The following CTTNBP2NL variants were observed in gnomAD, a reference collection of about 807,000 sequenced individuals.
CTTNBP2NL encodes the protein CTTNBP2 N-terminal like.
In CTTNBP2NL, 16 loss-of-function variants were observed where a neutral mutation model predicts 32.5. The ratio of observed to expected loss-of-function variants is 0.49; its 90% CI spans 0.33 to 0.75. The LOEUF (loss-of-function observed/expected upper bound fraction) is 0.75. Among genes scored for constraint, CTTNBP2NL ranks in the 30% least tolerant of loss-of-function variants. The pLI, the probability that CTTNBP2NL is intolerant of heterozygous loss-of-function variation, is 0.02. For synonymous variants in CTTNBP2NL, 298 were observed against 289.4 expected (o/e 1.03, Z -0.30); for missense variants, 645 against 756.0 (o/e 0.85, Z 1.72).
intron 3 of CTTNBP2NL, among the ~76,000 whole-genome samples, chr1:112,441,501 A>G (rs1402089860): frequency 1.3e-5 from 2 of 152,220 alleles, no homozygotes; most frequent in Non-Finnish European, 2.9e-5. Context: ...TAAAGCTGCT[A>G]TAGCAGCTTT....
intron 4 of CTTNBP2NL, among the ~76,000 whole-genome samples, chr1:112,452,272 G>A (rs554545773): frequency 6.7e-6 from 1 of 150,076 alleles, no homozygotes; most frequent in Admixed American, 6.6e-5. Context: ...TTGGGCTCCA[G>A]TGATCCACCT....
At position 112,405,916 on chromosome 1, in the gene CTTNBP2NL, T is replaced by C. The variant is rs181320232; in HGVS notation, c.-133-6278T>C. ...AAGACATGTATGCGGCCGGGCGCAG[T>C]GGCTCACGCCTGTAATCCCAGCACT... On this transcript the variant is annotated intron_variant, in intron 1 of 5. Coordinates refer to ENST00000271277, the MANE Select transcript of CTTNBP2NL (RefSeq NM_018704.3). Among the ~76,000 whole-genome samples the C allele has an allele frequency of 9.7e-3, 1,472 of 152,270 alleles. 36 individuals are homozygous for C. The highest frequency in any genetic ancestry group is 0.033 in the African/African-American group (1,389 of 41,554).
chr1:112,458,324 GGTCA>G lies in CTTNBP2NL; in HGVS notation c.*918_*921del, dbSNP rs10605173. The G allele has an allele frequency of 0.85, 129,469 of 152,110 alleles. 55,310 individuals carry two copies. The highest frequency in any genetic ancestry group is 1 in the East Asian group (5,162 of 5,170). The allele number at this position is 152,110 out of a possible 1,614,324, so 9.4% of individuals were successfully genotyped here. A position where few individuals can be genotyped will look rare whatever the true frequency, so the allele number is the denominator to read the frequency against. On this transcript the variant is annotated 3_prime_UTR_variant, in exon 6 of 6. Transcript: ENST00000271277. ...TTGAAATTCACTCTGTAATATTATA[GGTCA>G]GTCAGAATTATACAAGTTTTACCAA... is the stretch of plus-strand genomic sequence containing the variant.
At chr1:112,445,777 C>A (rs1422087488) in intron 3 of CTTNBP2NL, among the ~76,000 whole-genome samples, 1 of 152,180 alleles carries the variant, frequency 6.6e-6, no homozygotes, top group Non-Finnish European at 1.5e-5. Flanking sequence ...ACTCATAACT[C>A]TGTGGTGCTT....
intron 1 of CTTNBP2NL, among the ~76,000 whole-genome samples, chr1:112,404,984 AGGTTGCGGTGAGGCC>A (rs1239465797): frequency 6.1e-3 from 7 of 1,152 alleles, no homozygotes; most frequent in Non-Finnish European, 0.029. Context: ...CAGGAGGCGG[AGGTTGCGGTGAGGCC>A]GAGGTTGCGG....
chr1:112,416,412 T>G (rs1304742440), intron 3 of CTTNBP2NL, 148 bp downstream of exon 3: 18 of 557,966 alleles, frequency 3.2e-5, no homozygotes, highest in Non-Finnish European at 3.7e-5. Flanking sequence ...CCACCTACAT[T>G]GTGTGTTATT....
In CTTNBP2NL at chr1:112,421,884, T is replaced by C. The variant is rs1405977154; in HGVS notation, c.99+5620T>C. ...ATGAAAACAGGAAATACAGGGATAA[T>C]GCAGAAGCCTTCGTAGCAGATTTTT... is the stretch of plus-strand genomic sequence containing the variant. On this transcript the variant is annotated intron_variant, in intron 3 of 5. Coordinates refer to ENST00000271277, the MANE Select transcript of CTTNBP2NL (RefSeq NM_018704.3). Among the ~76,000 whole-genome samples the C allele has an allele frequency of 2.0e-5, 3 of 152,316 alleles. No individual in the cohort carries two copies. The East Asian group carries it at 5.8e-4, about 29-fold the overall frequency.
chr1:112,417,585 A>G (rs1384931901), intron 3 of CTTNBP2NL, among the ~76,000 whole-genome samples: 2 of 152,178 alleles, frequency 1.3e-5, no homozygotes, highest in Admixed American at 6.5e-5. Context: ...GATATAAGAT[A>G]CCATTCAGAA....
intron 2 of CTTNBP2NL, among the ~76,000 whole-genome samples, chr1:112,415,305 T>C (rs527493483): frequency 7.2e-5 from 11 of 152,330 alleles, no homozygotes; most frequent in African/African-American, 2.6e-4. Flanking sequence ...AATATTGTGT[T>C]AGCTATTGTC....
upstream of CTTNBP2NL, among the ~76,000 whole-genome samples, chr1:112,392,641 A>G (rs1394351374): frequency 1.3e-5 from 2 of 152,162 alleles, no homozygotes; most frequent in Non-Finnish European, 2.9e-5. Flanking sequence ...TCTAAGTACA[A>G]CATGAGTGGG....
At chr1:112,450,443 CA>C (rs1650181750) in intron 4 of CTTNBP2NL, among the ~76,000 whole-genome samples, 2 of 152,180 alleles carry the variant, frequency 1.3e-5, no homozygotes, top group Admixed American at 1.3e-4. Context: ...ATTTACACTC[CA>C]ATTTAAAAGG....
At chr1:112,412,530 A>G (rs1167001979) in intron 2 of CTTNBP2NL, among the ~76,000 whole-genome samples, 1 of 151,014 alleles carries the variant, frequency 6.6e-6, no homozygotes, top group Non-Finnish European at 1.5e-5. Flanking sequence ...TGGTTCTTAC[A>G]TTACACAGCA....
At chr1:112,431,664 C>T (rs1649570740) in intron 3 of CTTNBP2NL, among the ~76,000 whole-genome samples, 1 of 152,088 alleles carries the variant, frequency 6.6e-6, no homozygotes, top group Non-Finnish European at 1.5e-5. Context: ...CCATCAATGG[C>T]TGCATAAACT....
intron 4 of CTTNBP2NL, among the ~76,000 whole-genome samples, chr1:112,452,281 C>G (rs1355320082): frequency 4.6e-5 from 7 of 151,350 alleles, no homozygotes; most frequent in Non-Finnish European, 8.8e-5. Context: ...AGTGATCCAC[C>G]TCAGCCTCCC....
upstream of CTTNBP2NL, among the ~76,000 whole-genome samples, chr1:112,395,491 A>G (rs1194437640): frequency 6.6e-6 from 1 of 152,198 alleles, no homozygotes; most frequent in Non-Finnish European, 1.5e-5. Flanking sequence ...ATTCCCCACA[A>G]TATAATGAGG....
chr1:112,411,584 C>A (rs895654599), intron 1 of CTTNBP2NL, among the ~76,000 whole-genome samples: 8 of 152,012 alleles, frequency 5.3e-5, no homozygotes, highest in African/African-American at 1.2e-4. Flanking sequence ...AGTCGAGATG[C>A]TAAGAGGCTG....
At chr1:112,432,992 A>G (rs1649612874) in intron 3 of CTTNBP2NL, among the ~76,000 whole-genome samples, 1 of 152,094 alleles carries the variant, frequency 6.6e-6, no homozygotes, top group Admixed American at 6.5e-5. Context: ...CCTCCTTGTT[A>G]AACTTCTTTC....
chr1:112,403,044 TC>T (rs1239951992), intron 1 of CTTNBP2NL, among the ~76,000 whole-genome samples: 2 of 152,188 alleles, frequency 1.3e-5, no homozygotes, highest in African/African-American at 4.8e-5. Flanking sequence ...CCCTCTTACC[TC>T]CCTAAATGAA....
chr1:112,410,622 T>C (rs1431100976), intron 1 of CTTNBP2NL, among the ~76,000 whole-genome samples: 1 of 152,230 alleles, frequency 6.6e-6, no homozygotes, highest in African/African-American at 2.4e-5. Flanking sequence ...TTCAGATTTA[T>C]AGACTGTAGC....
Sources: gnomAD v4.1 joint callset for allele counts (sites outside exome capture counted in the v4.1 genomes callset) on GRCh38, gnomAD v4.1.1 for gene constraint, MANE v1.5 for transcripts, NCBI Gene and HGNC (gene_info 2026-07-23, HGNC 2026-07-21) for gene names.